The following MADCAM1 variants were observed in gnomAD, a reference collection of about 807,000 sequenced individuals.
MADCAM1 encodes the protein mucosal addressin cell adhesion molecule 1.
MADCAM1 carries 19 observed loss-of-function variants against 26.1 expected under a neutral mutation model. The ratio of observed to expected loss-of-function variants is 0.73; its 90% confidence interval spans 0.51 to 1.07. The LOEUF is 1.07. Among genes scored for constraint, MADCAM1 ranks in the 50% least tolerant of loss-of-function variants. The pLI, the probability that MADCAM1 is intolerant of heterozygous loss-of-function variation, is 0.00. For synonymous variants in MADCAM1, 268 were observed against 260.9 expected, an observed-to-expected ratio of 1.03 and a Z score of -0.26; for missense variants, 514 against 542.1, an observed-to-expected ratio of 0.95 and a Z score of 0.51.
In MADCAM1 at chr19:501,426, G is replaced by A. The variant is rs189601058; in HGVS notation, c.668-243G>A. 2.5e-5 allele frequency: 9 copies of A among 362,740 alleles called. No individual in the cohort carries two copies. In the East Asian group the frequency reaches 3.4e-4, roughly 14 times the overall value. The allele number at this position is 362,740 out of a possible 1,614,324, so 22.5% of individuals were successfully genotyped here. ...CTTGAACCTGAGGAGCGGAGGTTGT[G>A]GTGAGCCAAGATTGCGCCACTGCAC... On this transcript the variant is annotated intron_variant, in intron 3 of 4. Coordinates refer to ENST00000215637, the MANE Select transcript of MADCAM1 (RefSeq NM_130760.3).
chr19:499,866 G>T (rs1004879507), intron 3 of MADCAM1: 1 of 455,900 alleles, frequency 2.2e-6, no homozygotes, highest in African/African-American at 2.0e-5. Flanking sequence ...TCCCACTAAA[G>T]AAAAAGGGAT....
chr19:503,404 A>AC (rs756546092), intron 4 of MADCAM1, among the ~76,000 whole-genome samples: 57 of 151,062 alleles, frequency 3.8e-4, no homozygotes, highest in Non-Finnish European at 6.8e-4. Flanking sequence ...ACACGGTGAA[A>AC]CCCCGTCTCC....
chr19:500,599 G>A lies in MADCAM1; in HGVS notation c.668-1070G>A, dbSNP rs574301379. 1.2e-4 allele frequency among the ~76,000 whole-genome samples: 19 copies of A among 152,050 alleles called. No homozygotes were observed. The South Asian group carries it at 1.7e-3, about 13-fold the overall frequency. On this transcript the variant is annotated intron_variant, in intron 3 of 4. Coordinates refer to ENST00000215637, the MANE Select transcript of MADCAM1 (RefSeq NM_130760.3). ...ACAAAAATTAGATGTGGCCAGGTGC[G>A]GTGGCTCATGCTTGTAATCCCAGCA... is the stretch of plus-strand genomic sequence containing the variant.
chr19:498,292 G>T (rs1325493165), intron 2 of MADCAM1, among the ~76,000 whole-genome samples, 175 bp downstream of exon 2: 11 of 152,046 alleles, frequency 7.2e-5, no homozygotes, highest in Non-Finnish European at 8.8e-5. Context: ...ACTCTCCCAG[G>T]GCCGGCCCTG....
intron 4 of MADCAM1, among the ~76,000 whole-genome samples, chr19:503,038 A>T (rs1978415401): frequency 6.6e-6 from 1 of 152,242 alleles, no homozygotes; most frequent in South Asian, 2.1e-4. Flanking sequence ...CAAGCAACTA[A>T]CTGGGCTAAA....
intron 1 of MADCAM1, 75 bp from the exon 2 acceptor site, chr19:497,758 G>A (rs1474035286): frequency 2.6e-6 from 3 of 1,158,580 alleles, no homozygotes; most frequent in Middle Eastern, 3.3e-4. Flanking sequence ...TCCGGGGGTG[G>A]AGCGGGACGC....
Position 504,947 on chromosome 19 carries a change from C to T in MADCAM1, c.1131C>T (p.Val377=), listed in dbSNP as rs765389123. ...CTGGGTTAAGGGGGACCGGCCAGGT[C>T]GGGATCAGCCCCTCCTGAGTGGCCA... ...AWAGLRGTGQ[V]GISPS is the part of the protein sequence containing the mutation. Residue 377 remains valine (V), a synonymous_variant, in exon 5 of 5, where the codon GTC becomes GTT. Transcript: ENST00000215637. 1.9e-5 allele frequency: 30 copies of T among 1,596,790 alleles called. No individual in the cohort carries two copies. Among genetic ancestry groups the T allele is most frequent in the Non-Finnish European group, 2.1e-5 (25 of 1,167,070 alleles).
chr19:499,398 A>T (rs1043201907), intron 3 of MADCAM1: 1 of 454,870 alleles, frequency 2.2e-6, no homozygotes, highest in African/African-American at 2.0e-5. Context: ...AAACATAGGC[A>T]CACAAGCACA....
At chr19:498,243 G>A in intron 2 of MADCAM1, 126 bp downstream of exon 2, 1 of 1,057,256 alleles carries the variant, frequency 9.5e-7, no homozygotes, top group Non-Finnish European at 1.2e-6. Context: ...GCTCCCCGAA[G>A]CCAGGTCCCC....
intron 3 of MADCAM1, chr19:499,854 T>C (rs1310995215): frequency 4.4e-6 from 2 of 456,270 alleles, no homozygotes; most frequent in Admixed American, 2.4e-5. Flanking sequence ...CCTGCCGGCT[T>C]CTCCCACTAA....
At chr19:500,958 G>A (rs1029405858) in intron 3 of MADCAM1, among the ~76,000 whole-genome samples, 36 of 152,052 alleles carry the variant, frequency 2.4e-4, no homozygotes, top group Non-Finnish European at 4.3e-4. Context: ...AGGCTGAGGC[G>A]GGAGGATCAC....
chr19:499,414 G>A lies in MADCAM1; in HGVS notation c.667+589G>A, dbSNP rs190575012. On this transcript the variant is annotated intron_variant, in intron 3 of 4. Transcript: ENST00000215637. Reference sequence around the variant, plus strand: ...AACATAGGCACACAAGCACACACATGTACAAACACAGACACACACACGCGT... The same window carrying A: ...AACATAGGCACACAAGCACACACATATACAAACACAGACACACACACGCGT... The A allele has an allele frequency of 1.3e-5, 6 of 445,450 alleles. No homozygotes were observed. In the Admixed American group the frequency reaches 1.4e-4, roughly 11 times the overall value. 27.6% of individuals were successfully genotyped at this position (445,450 alleles called of 1,614,324 possible).
intron 4 of MADCAM1, among the ~76,000 whole-genome samples, chr19:503,578 C>CAAAAA (rs55970128): frequency 8.3e-6 from 1 of 120,078 alleles, no homozygotes; most frequent in Non-Finnish European, 1.7e-5. Flanking sequence ...GACTCCGTCT[C>CAAAAA]AAAAAAAAAA....
At chr19:499,518 G>C (rs952740968) in intron 3 of MADCAM1, among the ~76,000 whole-genome samples, 1 of 152,106 alleles carries the variant, frequency 6.6e-6, no homozygotes, top group Non-Finnish European at 1.5e-5. Context: ...ACCCACACGC[G>C]TGTACAAACA....
chr19:501,605 T>A (rs375737409), intron 3 of MADCAM1, 64 bp from the exon 4 acceptor site: 10 of 1,520,058 alleles, frequency 6.6e-6, no homozygotes, highest in Non-Finnish European at 8.8e-6. Context: ...GATGCGGAGA[T>A]TGAGGCAGGA....
chr19:503,241 C>G lies in MADCAM1; in HGVS notation c.928+1312C>G, dbSNP rs945187808. Among the ~76,000 whole-genome samples, 106 of 151,996 alleles carry G rather than the reference C, an allele frequency of 7.0e-4. 1 individual carries two copies. Among genetic ancestry groups the G allele is most frequent in the African/African-American group, 2.3e-3 (95 of 41,462 alleles). On this transcript the variant is annotated intron_variant, in intron 4 of 4. Transcript: ENST00000215637. ...GGTAGAGCTTGCAGTGAGCCGAGAT[C>G]GCGCCACTGCACTCCAGCCTGGGGC... is the stretch of plus-strand genomic sequence containing the variant.
intron 2 of MADCAM1, 48 bp from the exon 3 acceptor site, chr19:498,448 C>T: frequency 2.1e-6 from 3 of 1,429,280 alleles, no homozygotes; most frequent in Middle Eastern, 1.9e-4. Context: ...TCCATCACGT[C>T]CAGCCCTGAC....
At position 505,282 on chromosome 19, in the gene MADCAM1, A is replaced by G; in HGVS notation, c.*317A>G. 1 of 294,720 alleles carries G rather than the reference A, an allele frequency of 3.4e-6. No individual in the cohort carries two copies. Among genetic ancestry groups the G allele is most frequent in the South Asian group, 1.3e-4 (1 of 7,920 alleles). The allele number at this position is 294,720 out of a possible 1,614,324, so 18.3% of individuals were successfully genotyped here. A position where few individuals can be genotyped will look rare whatever the true frequency, so the allele number is the denominator to read the frequency against. On this transcript the variant is annotated 3_prime_UTR_variant, in exon 5 of 5. Transcript: ENST00000215637. ...CGTAAGACCAAGCTGTGCCCTGACC[A>G]CCCTGGGCCCCTGTCGTCAGGACCT...
intron 3 of MADCAM1, chr19:500,170 T>C (rs1162867507): frequency 4.4e-6 from 2 of 456,164 alleles, no homozygotes; most frequent in Non-Finnish European, 8.8e-6. Flanking sequence ...ACTCTCCTCG[T>C]CCACAGCCCA....
Sources: gnomAD v4.1 joint callset for allele counts (sites outside exome capture counted in the v4.1 genomes callset) on GRCh38, gnomAD v4.1.1 for gene constraint, MANE v1.5 for transcripts, NCBI Gene and HGNC (gene_info 2026-07-23, HGNC 2026-07-21) for gene names.